Variants in ABTB3 observed in about 807,000 individuals in gnomAD.
ABTB3 encodes ankyrin repeat and BTB domain containing 3, also known as ankyrin repeat- and BTB/POZ domain-containing protein 3.
At chr12:107,444,212 C>T in the ABTB3 span, among the ~76,000 whole-genome samples, 1 of 152,356 alleles carries the variant, frequency 6.6e-6, no homozygotes, top group South Asian at 2.1e-4. Flanking sequence ...CTGCCAGTCC[C>T]CCACCCAGGG....
the ABTB3 span, among the ~76,000 whole-genome samples, chr12:107,543,726 T>C: frequency 6.6e-6 from 1 of 152,022 alleles, no homozygotes; most frequent in South Asian, 2.1e-4. Flanking sequence ...CCCTCTGTGC[T>C]TGAAACGCAC....
chr12:107,523,919 A>T, the ABTB3 span, among the ~76,000 whole-genome samples: 1 of 152,144 alleles, frequency 6.6e-6, no homozygotes, highest in Non-Finnish European at 1.5e-5. Flanking sequence ...GCCCACACAC[A>T]CTGTCCCTAA....
the ABTB3 span, among the ~76,000 whole-genome samples, chr12:107,321,717 G>A: frequency 6.6e-6 from 1 of 152,128 alleles, no homozygotes; most frequent in Non-Finnish European, 1.5e-5. Flanking sequence ...GGATTCACCT[G>A]CAAAACCTGG....
the ABTB3 span, among the ~76,000 whole-genome samples, chr12:107,622,213 C>G: frequency 6.6e-6 from 1 of 152,182 alleles, no homozygotes; most frequent in Admixed American, 6.5e-5. Flanking sequence ...ATGCACTGAC[C>G]ACTGGCCGGG....
the ABTB3 span, among the ~76,000 whole-genome samples, chr12:107,403,362 G>A: frequency 1.3e-5 from 2 of 152,000 alleles, no homozygotes; most frequent in African/African-American, 2.4e-5. Context: ...TTGTTTCACC[G>A]GGCTCTATTT....
At chr12:107,576,278 A>G in the ABTB3 span, among the ~76,000 whole-genome samples, 1 of 152,200 alleles carries the variant, frequency 6.6e-6, no homozygotes, top group African/African-American at 2.4e-5. Flanking sequence ...GTCAAACCTC[A>G]AGTATATTAG....
At chr12:107,596,163 A>C in the ABTB3 span, among the ~76,000 whole-genome samples, 1 of 152,354 alleles carries the variant, frequency 6.6e-6, no homozygotes. Context: ...TAGTCCCTTA[A>C]TGTTCATCTG....
chr12:107,369,435 G>A, the ABTB3 span, among the ~76,000 whole-genome samples: 2 of 128,628 alleles, frequency 1.6e-5, no homozygotes, highest in African/African-American at 6.3e-5. Context: ...TCTCGCTCTT[G>A]TCACCCCGGC....
the ABTB3 span, among the ~76,000 whole-genome samples, chr12:107,631,125 C>T: frequency 6.6e-6 from 1 of 152,154 alleles, no homozygotes; most frequent in African/African-American, 2.4e-5. Flanking sequence ...TTTGGATCCC[C>T]ATTGTCTGTT....
At chr12:107,381,013 G>A in the ABTB3 span, among the ~76,000 whole-genome samples, 2 of 152,122 alleles carry the variant, frequency 1.3e-5, no homozygotes, top group Admixed American at 6.5e-5. Flanking sequence ...TGGTAGGGAT[G>A]TGTGATCAAA....
At chr12:107,559,238 A>G in the ABTB3 span, among the ~76,000 whole-genome samples, 1 of 152,180 alleles carries the variant, frequency 6.6e-6, no homozygotes, top group Non-Finnish European at 1.5e-5. Flanking sequence ...TCCCAGAGAG[A>G]GATCACCAGT....
the ABTB3 span, among the ~76,000 whole-genome samples, chr12:107,431,929 T>C: frequency 1.6e-4 from 25 of 152,268 alleles, no homozygotes; most frequent in Middle Eastern, 3.4e-3. Flanking sequence ...ATTGAGGCCC[T>C]GAGTTTGGAG....
At chr12:107,342,509 T>C in the ABTB3 span, among the ~76,000 whole-genome samples, 1 of 152,228 alleles carries the variant, frequency 6.6e-6, no homozygotes, top group Non-Finnish European at 1.5e-5. Context: ...GGGACCATGG[T>C]CAACCTTCTT....
At chr12:107,319,342 G>A in the ABTB3 span, 1 of 1,552,884 alleles carries the variant, frequency 6.4e-7, no homozygotes, top group Admixed American at 1.9e-5. Context: ...AGCTGTCGAC[G>A]CTGGTGAGCC....
chr12:107,637,957 T>C, the ABTB3 span, among the ~76,000 whole-genome samples: 1 of 151,896 alleles, frequency 6.6e-6, no homozygotes. Flanking sequence ...GTGGGTGTGA[T>C]AGGTGAGCAG....
chr12:107,553,925 G>A, the ABTB3 span, among the ~76,000 whole-genome samples: 1 of 152,126 alleles, frequency 6.6e-6, no homozygotes, highest in Non-Finnish European at 1.5e-5. Flanking sequence ...GAGTGACAGA[G>A]CAAGACTGTC....
At chr12:107,479,207 A>C in the ABTB3 span, among the ~76,000 whole-genome samples, 1 of 152,128 alleles carries the variant, frequency 6.6e-6, no homozygotes, top group African/African-American at 2.4e-5. Flanking sequence ...ACAGCCATGC[A>C]TAAAGGCACA....
chr12:107,568,479 C>T, the ABTB3 span, among the ~76,000 whole-genome samples: 1 of 152,172 alleles, frequency 6.6e-6, no homozygotes, highest in Non-Finnish European at 1.5e-5. Context: ...AAAGACATCT[C>T]TTAGAGCTGC....
the ABTB3 span, among the ~76,000 whole-genome samples, chr12:107,431,392 TGAG>T: frequency 6.6e-6 from 1 of 152,100 alleles, no homozygotes; most frequent in Non-Finnish European, 1.5e-5. Flanking sequence ...AGGCAGATCA[TGAG>T]GTCAGGAGTT....
Sources: gnomAD v4.1 joint callset for allele counts (sites outside exome capture counted in the v4.1 genomes callset) on GRCh38, gnomAD v4.1.1 for gene constraint, MANE v1.5 for transcripts, NCBI Gene and HGNC (gene_info 2026-07-23, HGNC 2026-07-21) for gene names.